KLHDC4: variants seen among roughly 807,000 people sequenced by gnomAD.
The protein encoded by KLHDC4 is kelch domain containing 4, also known as kelch domain-containing protein 4.
A neutral mutation model predicts 62.4 loss-of-function variants in KLHDC4; 90 were observed. The observed-to-expected ratio is 1.44, with a 90% CI of 1.22 to 1.72. KLHDC4 has a LOEUF of 1.72. KLHDC4 is among the 40% of genes most tolerant of loss of function. The pLI, the probability that KLHDC4 is intolerant of heterozygous loss-of-function variation, is 0.00. For missense variants in KLHDC4, 1,025 were observed against 699.7 expected (o/e 1.47, Z -5.25); for synonymous variants, 386 against 284.4 (o/e 1.36, Z -3.59).
At chr16:87,725,308 G>A (rs1004560081) in intron 7 of KLHDC4, among the ~76,000 whole-genome samples, 2 of 152,178 alleles carry the variant, frequency 1.3e-5, no homozygotes, top group Non-Finnish European at 2.9e-5. Context: ...ACCGACTACA[G>A]GCGCCCGCCA....
chr16:87,753,486 C>G (rs1186947160), intron 4 of KLHDC4, among the ~76,000 whole-genome samples: 1 of 152,136 alleles, frequency 6.6e-6, no homozygotes, highest in Non-Finnish European at 1.5e-5. Flanking sequence ...AAATGCAACA[C>G]TGTTTGATAG....
chr16:87,756,283 G>T (rs2033247), intron 3 of KLHDC4, 116 bp downstream of exon 3: 3 of 748,052 alleles, frequency 4.0e-6, no homozygotes, highest in African/African-American at 1.7e-5. Flanking sequence ...CGGCTCAAGC[G>T]CGTGATACAA....
intron 1 of KLHDC4, among the ~76,000 whole-genome samples, chr16:87,762,998 C>G (rs2046106522): frequency 6.6e-6 from 1 of 152,200 alleles, no homozygotes; most frequent in Non-Finnish European, 1.5e-5. Flanking sequence ...TTCCCTCAGC[C>G]TGCCACGCCC....
At chr16:87,710,534 C>G (rs1385175295) in intron 9 of KLHDC4, 1 of 152,290 alleles carries the variant, frequency 6.6e-6, no homozygotes, top group African/African-American at 2.4e-5. Context: ...GTGACACTAG[C>G]TGGGGTCAAC....
chr16:87,730,584 C>A lies in KLHDC4; in HGVS notation c.567G>T (p.Leu189Phe), dbSNP rs1414046132. ...TTTCATGGAAGCCACCAAACAGGAT[C>A]AATTGTCTCTTCCAGGCCACCATCC... ...GHRMVAWKRQ[L>F]ILFGGFHEST... The change falls in exon 6 of 12, where the codon TTG becomes TTT. Residue 189 changes from leucine (L) to phenylalanine (F), a missense_variant. Physicochemically the swap from Leu to Phe is conservative, Grantham distance 22. Transcript: ENST00000270583. 6.2e-7 allele frequency: 1 copy of A among 1,613,064 alleles called. No homozygotes were observed. The highest frequency in any genetic ancestry group is 1.7e-5 in the Admixed American group (1 of 59,624).
At chr16:87,759,542 T>C (rs1444935682) in intron 2 of KLHDC4, among the ~76,000 whole-genome samples, 2 of 150,882 alleles carry the variant, frequency 1.3e-5, no homozygotes, top group African/African-American at 4.9e-5. Context: ...AGGTCGGGAG[T>C]TCAAGACCAG....
At chr16:87,752,678 C>T (rs1393504704) in intron 4 of KLHDC4, among the ~76,000 whole-genome samples, 1 of 152,142 alleles carries the variant, frequency 6.6e-6, no homozygotes, top group Non-Finnish European at 1.5e-5. Context: ...TAGTTACAAT[C>T]CCAGGCTTGA....
In KLHDC4 at chr16:87,709,252, C is replaced by T. The variant is rs916650555; in HGVS notation, c.1447+13G>A. 4 of 1,600,046 alleles carry T rather than the reference C, an allele frequency of 2.5e-6. No individual in the cohort carries two copies. The highest frequency in any genetic ancestry group is 1.1e-5 in the South Asian group (1 of 90,692). ...CGCTCCCGGGCACGGAGGCACCAAG[C>T]TGCCTGGCTCACCTGGGTCCATCTC... On this transcript the variant is annotated intron_variant, in intron 10 of 11. Coordinates refer to ENST00000270583, the MANE Select transcript of KLHDC4 (RefSeq NM_017566.4).
chr16:87,763,176 T>C (rs1257528317), intron 1 of KLHDC4, among the ~76,000 whole-genome samples: 13 of 152,252 alleles, frequency 8.5e-5, no homozygotes, highest in Admixed American at 8.5e-4. Flanking sequence ...GTCACCCACA[T>C]GTACCCACCC....
chr16:87,715,382 G>A (rs2036746549), intron 7 of KLHDC4, among the ~76,000 whole-genome samples: 2 of 152,164 alleles, frequency 1.3e-5, no homozygotes, highest in African/African-American at 4.8e-5. Flanking sequence ...TCTCCTTGGC[G>A]CCCTTGTGAC....
At chr16:87,735,232 G>A (rs1480088272) in intron 5 of KLHDC4, among the ~76,000 whole-genome samples, 2 of 151,472 alleles carry the variant, frequency 1.3e-5, no homozygotes, top group Non-Finnish European at 2.9e-5. Flanking sequence ...CCCGGGAGGC[G>A]GAGCTTGCAG....
chr16:87,721,038 T>TAACGGCC (rs2038201898), intron 7 of KLHDC4, among the ~76,000 whole-genome samples: 1 of 152,144 alleles, frequency 6.6e-6, no homozygotes, highest in Non-Finnish European at 1.5e-5. Context: ...ACCACCTTCT[T>TAACGGCC]AACGGCCAAC....
chr16:87,705,319 A>G (rs1224545563), downstream of KLHDC4, among the ~76,000 whole-genome samples: 1 of 152,238 alleles, frequency 6.6e-6, no homozygotes, highest in Non-Finnish European at 1.5e-5. Flanking sequence ...CCCGTGGGGC[A>G]GGCAGAGCTC....
At chr16:87,751,194 G>C (rs571598616) in intron 4 of KLHDC4, among the ~76,000 whole-genome samples, 1 of 152,326 alleles carries the variant, frequency 6.6e-6, no homozygotes, top group Admixed American at 6.5e-5. Context: ...AATATGAACT[G>C]GCTGGGCGTG....
intron 7 of KLHDC4, among the ~76,000 whole-genome samples, chr16:87,719,314 T>G (rs560918738): frequency 6.6e-6 from 1 of 152,364 alleles, no homozygotes; most frequent in Non-Finnish European, 1.5e-5. Flanking sequence ...TCCATTTTGT[T>G]CTGTACTAAG....
chr16:87,737,449 G>T (rs577847141), intron 5 of KLHDC4, among the ~76,000 whole-genome samples: 1 of 151,004 alleles, frequency 6.6e-6, no homozygotes, highest in Non-Finnish European at 1.5e-5. Flanking sequence ...TTAGCCGAGC[G>T]TGGTGGTGCG....
intron 6 of KLHDC4, among the ~76,000 whole-genome samples, chr16:87,728,477 C>G (rs962096190): frequency 2.0e-5 from 3 of 148,264 alleles, no homozygotes; most frequent in Non-Finnish European, 3.0e-5. Context: ...TAATTTTAAA[C>G]AAGATAACAA....
chr16:87,706,379 CGGCGTGGGGGGGTT>C (rs1466569526), downstream of KLHDC4, among the ~76,000 whole-genome samples: 10 of 97,240 alleles, frequency 1.0e-4, no homozygotes, highest in African/African-American at 4.4e-4. Context: ...TTGGGGGGGT[CGGCGTGGGGGGGTT>C]GGTCGGCACA....
chr16:87,709,649 T>C lies in KLHDC4; in HGVS notation c.1063A>G (p.Lys355Glu). Reference protein sequence around the residue: ...GQLKGPKSEKKKRRRGRKEEP... With the variant: ...GQLKGPKSEKEKRRRGRKEEP... ...TCTTTTCTGCCCCGCCTGCGTTTCTTCTTTTCAGACTTGGGTCCCTATTAA... is the reference window on the plus strand; with the variant it reads ...TCTTTTCTGCCCCGCCTGCGTTTCTCCTTTTCAGACTTGGGTCCCTATTAA... Residue 355 changes from lysine (K) to glutamate (E), a missense_variant, in exon 10 of 12, where the codon AAG becomes GAG. Lys to Glu is a moderately conservative substitution (Grantham distance 56, BLOSUM62 1). Coordinates refer to ENST00000270583, the MANE Select transcript of KLHDC4 (RefSeq NM_017566.4). The C allele has an allele frequency of 6.2e-7, 1 of 1,602,534 alleles. No individual in the cohort carries two copies. Among genetic ancestry groups the C allele is most frequent in the East Asian group, 2.2e-5 (1 of 44,662 alleles).
Sources: gnomAD v4.1 joint callset for allele counts (sites outside exome capture counted in the v4.1 genomes callset) on GRCh38, gnomAD v4.1.1 for gene constraint, MANE v1.5 for transcripts, NCBI Gene and HGNC (gene_info 2026-07-23, HGNC 2026-07-21) for gene names.